Variants in GRID1 observed in about 807,000 individuals in gnomAD.
The protein encoded by GRID1 is glutamate receptor ionotropic, delta-1.
Under a neutral mutation model 98.0 loss-of-function variants are expected in GRID1, and 28 were observed. That is an observed-to-expected ratio of 0.29 (90% CI 0.21 to 0.39). The LOEUF (loss-of-function observed/expected upper bound fraction) is 0.39. Among genes scored for constraint, GRID1 ranks in the 10% least tolerant of loss-of-function variants. GRID1 has a pLI of 1.00. For missense variants in GRID1, 1,111 were observed against 1,340.5 expected (o/e 0.83, Z 2.67); for synonymous variants, 553 against 538.5 (o/e 1.03, Z -0.37).
At chr10:86,007,505 C>T (rs1171690424) in intron 4 of GRID1, among the ~76,000 whole-genome samples, 5 of 152,214 alleles carry the variant, frequency 3.3e-5, no homozygotes, top group African/African-American at 7.2e-5. Flanking sequence ...TTAGAGCAAA[C>T]ACATTATCAT....
At chr10:85,774,681 T>C (rs1590226401) in intron 8 of GRID1, among the ~76,000 whole-genome samples, 2 of 151,900 alleles carry the variant, frequency 1.3e-5, no homozygotes, top group African/African-American at 4.8e-5. Context: ...GAACAGACAC[T>C]TCTGAAAAGA....
chr10:85,731,604 C>T (rs1841823441), intron 8 of GRID1, among the ~76,000 whole-genome samples: 1 of 151,884 alleles, frequency 6.6e-6, no homozygotes, highest in African/African-American at 2.4e-5. Context: ...AGTTCAAAAC[C>T]AGCCTGGGCA....
chr10:86,315,000 G>A (rs1294755549), intron 2 of GRID1, among the ~76,000 whole-genome samples: 2 of 55,180 alleles, frequency 3.6e-5, no homozygotes, highest in Non-Finnish European at 8.2e-5. Context: ...TCCCAGGACT[G>A]ACCTTCTGCC....
intron 12 of GRID1, among the ~76,000 whole-genome samples, chr10:85,687,558 A>G (rs1327155414): frequency 6.6e-6 from 1 of 152,104 alleles, no homozygotes; most frequent in Non-Finnish European, 1.5e-5. Flanking sequence ...GGAGCCCAGG[A>G]GATTGAGGCT....
At chr10:86,158,237 C>T (rs1233907690) in intron 3 of GRID1, among the ~76,000 whole-genome samples, 1 of 152,184 alleles carries the variant, frequency 6.6e-6, no homozygotes, top group Non-Finnish European at 1.5e-5. Context: ...CACCATCCAT[C>T]AACTAAGGTG....
intron 13 of GRID1, among the ~76,000 whole-genome samples, chr10:85,635,537 C>T (rs920425941): frequency 6.6e-6 from 1 of 152,172 alleles, no homozygotes; most frequent in Admixed American, 6.5e-5. Context: ...ACTCATTGAA[C>T]ATTTACTTTG....
At chr10:85,985,839 T>A (rs1349826901) in intron 4 of GRID1, among the ~76,000 whole-genome samples, 2 of 152,116 alleles carry the variant, frequency 1.3e-5, no homozygotes, top group African/African-American at 2.4e-5. Flanking sequence ...AAAGAACAAC[T>A]CAGCTGTTGG....
At chr10:85,636,335 G>A (rs1050929924) in intron 13 of GRID1, among the ~76,000 whole-genome samples, 5 of 152,168 alleles carry the variant, frequency 3.3e-5, no homozygotes, top group African/African-American at 1.2e-4. Flanking sequence ...TAGTAAATGA[G>A]TTGATGAATA....
At chr10:85,731,602 A>C (rs1841822869) in intron 8 of GRID1, among the ~76,000 whole-genome samples, 1 of 151,966 alleles carries the variant, frequency 6.6e-6, no homozygotes, top group Non-Finnish European at 1.5e-5. Context: ...GGAGTTCAAA[A>C]CCAGCCTGGG....
chr10:86,110,378 G>A (rs1027260140), intron 4 of GRID1, among the ~76,000 whole-genome samples: 3 of 152,174 alleles, frequency 2.0e-5, no homozygotes, highest in Non-Finnish European at 4.4e-5. Context: ...GGGCTGCTGG[G>A]TCTGTCTGTG....
At chr10:85,978,359 G>A (rs1243593110) in intron 4 of GRID1, among the ~76,000 whole-genome samples, 19 of 152,242 alleles carry the variant, frequency 1.2e-4, no homozygotes, top group Non-Finnish European at 1.5e-5. Flanking sequence ...TTCTCCAAAG[G>A]GACTGGGTAG....
intron 3 of GRID1, among the ~76,000 whole-genome samples, chr10:86,161,471 G>A (rs1034968977): frequency 3.3e-5 from 5 of 152,102 alleles, no homozygotes; most frequent in African/African-American, 9.7e-5. Flanking sequence ...CCCACCGAGC[G>A]CTCCTGCTCC....
chr10:85,845,849 G>A (rs967925660), intron 8 of GRID1, among the ~76,000 whole-genome samples: 2 of 152,112 alleles, frequency 1.3e-5, no homozygotes, highest in African/African-American at 4.8e-5. Context: ...ATAATGTTGA[G>A]CAAAAGAAGT....
chr10:86,155,509 T>A (rs1210446639), intron 3 of GRID1, among the ~76,000 whole-genome samples: 2 of 152,248 alleles, frequency 1.3e-5, no homozygotes, highest in African/African-American at 4.8e-5. Context: ...GAGTTAATCC[T>A]ACCATTCTGG....
intron 4 of GRID1, among the ~76,000 whole-genome samples, chr10:86,069,517 G>A (rs1390618215): frequency 3.3e-5 from 5 of 152,138 alleles, no homozygotes; most frequent in Non-Finnish European, 4.4e-5. Context: ...GTGTGGTGGC[G>A]GGTGCCTGTA....
intron 12 of GRID1, among the ~76,000 whole-genome samples, chr10:85,672,775 C>G (rs571026472): frequency 2.6e-5 from 4 of 152,088 alleles, no homozygotes. Flanking sequence ...CCCAAGAACT[C>G]TGATGAAGAC....
At chr10:86,224,826 T>G (rs1423089243) in intron 2 of GRID1, among the ~76,000 whole-genome samples, 1 of 152,162 alleles carries the variant, frequency 6.6e-6, no homozygotes, top group East Asian at 1.9e-4. Context: ...CAAGTGCCCC[T>G]TCCCCCAGGA....
At chr10:85,779,508 C>T (rs1011042348) in intron 8 of GRID1, among the ~76,000 whole-genome samples, 25 of 152,090 alleles carry the variant, frequency 1.6e-4, no homozygotes, top group Admixed American at 1.1e-3. Context: ...GAAGGACAGA[C>T]ACCCAGGTAA....
At chr10:85,737,345 T>C (rs1025308738) in intron 8 of GRID1, among the ~76,000 whole-genome samples, 29 of 151,970 alleles carry the variant, frequency 1.9e-4, no homozygotes, top group African/African-American at 6.8e-4. Context: ...AAAAGATACT[T>C]CCCAGTGGTG....
Sources: allele counts gnomAD v4.1 joint callset (sites outside exome capture counted in the v4.1 genomes callset), GRCh38; gene constraint gnomAD v4.1.1; transcripts MANE v1.5; gene names NCBI Gene and HGNC (gene_info 2026-07-23, HGNC 2026-07-21).